Variants in XRCC3 observed in about 807,000 individuals in gnomAD.
XRCC3 encodes DNA repair protein XRCC3.
In XRCC3, 34 loss-of-function variants were observed where a neutral mutation model predicts 29.2. The ratio of observed to expected loss-of-function variants is 1.16; its 90% CI spans 0.88 to 1.55. The LOEUF (loss-of-function observed/expected upper bound fraction) is 1.55. XRCC3 is among the 40% of genes most tolerant of loss of function. The probability of loss-of-function intolerance (pLI) is 0.00; values close to 1 mark genes in which losing one functional copy is unlikely to be tolerated. For missense variants in XRCC3, 463 were observed against 467.6 expected, an observed-to-expected ratio of 0.99 and a Z score of 0.09; for synonymous variants, 223 against 211.3, an observed-to-expected ratio of 1.06 and a Z score of -0.48.
At chr14:103,711,788 A>G (rs1014133523) in intron 2 of XRCC3, 2 of 447,058 alleles carry the variant, frequency 4.5e-6, no homozygotes, top group African/African-American at 4.0e-5. Context: ...CTCCGGCCTC[A>G]GCAGGCTGCT....
At chr14:103,701,070 A>C in intron 7 of XRCC3, 1 of 1,169,144 alleles carries the variant, frequency 8.6e-7, no homozygotes, top group Non-Finnish European at 1.2e-6. Context: ...AGGGAGGCTC[A>C]CAACCAGCAA....
In XRCC3 at chr14:103,715,363, C is replaced by A. The variant is rs373669204; in HGVS notation, c.-318+61G>T. 1.2e-3 allele frequency: 189 copies of A among 152,540 alleles called. 2 individuals carry two copies. The East Asian group carries it at 0.026, about 21-fold the overall frequency. The allele number at this position is 152,540 out of a possible 1,614,324, so 9.4% of individuals were successfully genotyped here. On this transcript the variant is annotated intron_variant, in intron 1 of 9. Transcript: ENST00000555055. ...CCTCACGCCCGCTGCCGCCCACGAC[C>A]TCCGACCCCGCTGCCGCCCGGCTCG...
intron 7 of XRCC3, chr14:103,701,484 C>T (rs2083191072): frequency 7.1e-6 from 3 of 421,862 alleles, no homozygotes; most frequent in African/African-American, 2.0e-5. Flanking sequence ...AACTTCCTCA[C>T]GTTGTGTGCG....
intron 4 of XRCC3, 22 bp from the exon 5 acceptor site, chr14:103,708,681 A>G (rs2151940431): frequency 1.9e-6 from 3 of 1,613,982 alleles, no homozygotes; most frequent in Non-Finnish European, 2.5e-6. Context: ...CAGATAAATT[A>G]CAGGAAAATG....
chr14:103,708,543 G>GC lies in XRCC3; in HGVS notation c.171dup (p.Arg58AlafsTer47). ...CTACCTGTAAGGATGCTGCTTCCCC[G>GC]CAAGTGTAAGGAGGCCGTTCTCAGC... On this transcript the variant is annotated frameshift_variant, in exon 5 of 10. Transcript: ENST00000555055. LOFTEE classifies it high-confidence loss of function. The GC allele has an allele frequency of 6.2e-7, 1 of 1,614,138 alleles. No homozygotes were observed. The highest frequency in any genetic ancestry group is 8.5e-7 in the Non-Finnish European group (1 of 1,180,014).
At chr14:103,706,905 G>A (rs900016183) in intron 6 of XRCC3, 98 bp downstream of exon 6, 6 of 1,312,918 alleles carry the variant, frequency 4.6e-6, no homozygotes, top group East Asian at 2.5e-5. Context: ...TAGGAACAGC[G>A]CAAGAGGCGG....
At chr14:103,708,325 C>T in intron 5 of XRCC3, 197 bp downstream of exon 5, 1 of 773,712 alleles carries the variant, frequency 1.3e-6, no homozygotes, top group Non-Finnish European at 2.1e-6. Flanking sequence ...CCACCTCACG[C>T]ATCTTCTGAC....
At chr14:103,710,879 CACA>C in intron 4 of XRCC3, 151 bp downstream of exon 4, 1 of 705,064 alleles carries the variant, frequency 1.4e-6, no homozygotes, top group East Asian at 2.7e-5. Context: ...CACACACACA[CACA>C]CCTGAAAATC....
rs757649541 is a variant in XRCC3 at position 103,708,613 on chromosome 14, G to T, written c.102C>A (p.Asp34Glu). ...VKEVLHFSGPDLKRLTNLSSP... is the reference protein window; with the variant it reads ...VKEVLHFSGPELKRLTNLSSP... ...TGGAGAGGTTGGTCAGTCTCTTCAAGTCTGGTCCAGAAAAGTGTAAAACCT... is the reference window on the plus strand; with the variant it reads ...TGGAGAGGTTGGTCAGTCTCTTCAATTCTGGTCCAGAAAAGTGTAAAACCT... Residue 34 changes from aspartate (D) to glutamate (E), a missense_variant, in exon 5 of 10, where the codon GAC becomes GAA. Asp to Glu is a conservative substitution (Grantham distance 45). Transcript: ENST00000555055. The T allele has an allele frequency of 4.3e-6, 7 of 1,614,108 alleles. No individual in the cohort carries two copies. Among genetic ancestry groups the T allele is most frequent in the Non-Finnish European group, 5.1e-6 (6 of 1,180,042 alleles).
chr14:103,701,564 T>G, intron 7 of XRCC3: 1 of 234,680 alleles, frequency 4.3e-6, no homozygotes, highest in Non-Finnish European at 8.3e-6. Flanking sequence ...TGAAAGTTTT[T>G]ATAAGACCTC....
chr14:103,700,607 G>C, intron 7 of XRCC3: 1 of 1,515,668 alleles, frequency 6.6e-7, no homozygotes, highest in Non-Finnish European at 9.1e-7. Flanking sequence ...AGACGCCTGA[G>C]GGCCGCCTGC....
Position 103,711,531 on chromosome 14 carries a change from T to C in XRCC3, c.-224A>G, listed in dbSNP as rs1393103303. Reference sequence around the variant, plus strand: ...CTTGACTGAGGCATCTCTTGCACTCTGCAGTTTAATTTCCCTTAAGTGTCT... The same window carrying C: ...CTTGACTGAGGCATCTCTTGCACTCCGCAGTTTAATTTCCCTTAAGTGTCT... On this transcript the variant is annotated 5_prime_UTR_variant, in exon 3 of 10. Coordinates refer to ENST00000555055, the MANE Select transcript of XRCC3 (RefSeq NM_005432.4). 4.3e-6 allele frequency: 2 copies of C among 460,828 alleles called. No homozygotes were observed. The highest frequency in any genetic ancestry group is 2.0e-5 in the African/African-American group (1 of 50,324). 28.5% of individuals were successfully genotyped at this position (460,828 alleles called of 1,614,324 possible).
At chr14:103,700,302 C>T (rs1310788569) in intron 7 of XRCC3, 1 of 258,482 alleles carries the variant, frequency 3.9e-6, no homozygotes, top group Non-Finnish European at 7.4e-6. Flanking sequence ...AGGAGAGCTT[C>T]CAGGGGAGGA....
chr14:103,707,365 G>A (rs893126234), intron 5 of XRCC3, 150 bp from the exon 6 acceptor site: 11 of 986,970 alleles, frequency 1.1e-5, no homozygotes, highest in African/African-American at 8.0e-5. Flanking sequence ...AGGTGCTGAG[G>A]GCAGGGAGGG....
At chr14:103,702,824 G>C (rs1377069740) in intron 7 of XRCC3, 2 of 330,860 alleles carry the variant, frequency 6.0e-6, no homozygotes, top group Non-Finnish European at 1.2e-5. Flanking sequence ...TCCCTGCTGA[G>C]ATTGTAGCAG....
rs770508342 is a variant in XRCC3, at chr14:103,703,186, T to G, written c.548A>C (p.His183Pro). 5.1e-6 allele frequency: 8 copies of G among 1,571,904 alleles called. No individual in the cohort carries two copies. The highest frequency in any genetic ancestry group is 4.3e-6 in the Non-Finnish European group (5 of 1,158,324). ...LRFGSQIFIE[H>P]VADVDTLLEC... The stretch of plus-strand genomic sequence containing the variant: ...TCCCACACTCACCACATCGGCCACG[T>G]GCTCGATGAAGATCTGGCTGCCAAA... The change falls in exon 7 of 10, where the codon CAC becomes CCC. Residue 183 changes from histidine (H) to proline (P), a missense_variant. Transcript: ENST00000555055.
At chr14:103,701,206 C>A in intron 7 of XRCC3, 1 of 1,550,932 alleles carries the variant, frequency 6.4e-7, no homozygotes, top group Non-Finnish European at 8.7e-7. Context: ...TGCAGTGACC[C>A]CGACCTGGCC....
chr14:103,706,922 C>T, intron 6 of XRCC3, 81 bp downstream of exon 6: 3 of 1,450,012 alleles, frequency 2.1e-6, no homozygotes, highest in South Asian at 2.4e-5. Context: ...GCGGCCACTG[C>T]CCCACCTCAA....
At chr14:103,706,848 T>C (rs780265235) in intron 6 of XRCC3, 155 bp downstream of exon 6, 8 of 902,168 alleles carry the variant, frequency 8.9e-6, no homozygotes, top group Non-Finnish European at 1.4e-5. Context: ...CTCCCTGTTC[T>C]GGAAGGAGCG....
Sources: gnomAD v4.1 joint callset for allele counts on GRCh38, gnomAD v4.1.1 for gene constraint, MANE v1.5 for transcripts, NCBI Gene and HGNC (gene_info 2026-07-23, HGNC 2026-07-21) for gene names.